NMU: variants seen among roughly 807,000 people sequenced by gnomAD.
NMU encodes the protein neuromedin-U.
In NMU, 29 loss-of-function variants were observed where a neutral mutation model predicts 35.4. The observed-to-expected ratio is 0.82, with a 90% CI of 0.61 to 1.12. NMU has a LOEUF of 1.12. NMU is among the 50% of genes most tolerant of loss of function. The pLI is 0.00. For synonymous variants in NMU, 78 were observed against 81.3 expected (o/e 0.96, Z 0.22); for missense variants, 199 against 206.2 (o/e 0.97, Z 0.21).
At chr4:55,597,382 T>C (rs1733229545) in intron 9 of NMU, among the ~76,000 whole-genome samples, 1 of 151,728 alleles carries the variant, frequency 6.6e-6, no homozygotes, top group South Asian at 2.1e-4. Flanking sequence ...TGAGTGGGCA[T>C]AGTTTCCTTT....
intron 2 of NMU, among the ~76,000 whole-genome samples, chr4:55,619,725 C>T (rs1734300569): frequency 1.4e-5 from 2 of 139,144 alleles, no homozygotes; most frequent in Admixed American, 1.5e-4. Context: ...CACAGACAAA[C>T]AAAAAGACAG....
intron 9 of NMU, 52 bp downstream of exon 9, chr4:55,599,090 G>A (rs1048730111): frequency 1.7e-6 from 2 of 1,207,774 alleles, no homozygotes; most frequent in Non-Finnish European, 2.4e-6. Context: ...GTGTTGAACT[G>A]TGAAATGCAT....
At chr4:55,595,777 A>G (rs2110175727) in intron 9 of NMU, among the ~76,000 whole-genome samples, 1 of 151,286 alleles carries the variant, frequency 6.6e-6, no homozygotes, top group Non-Finnish European at 1.5e-5. Context: ...AGTAGCTGGT[A>G]TTACAGAAGT....
chr4:55,596,195 T>A (rs1022973065), intron 9 of NMU, among the ~76,000 whole-genome samples: 2 of 152,060 alleles, frequency 1.3e-5, no homozygotes, highest in Non-Finnish European at 2.9e-5. Flanking sequence ...ATATAGGTCA[T>A]CAGGATAGAG....
At chr4:55,625,690 A>C (rs1734497483) in intron 2 of NMU, among the ~76,000 whole-genome samples, 2 of 151,728 alleles carry the variant, frequency 1.3e-5, no homozygotes, top group Admixed American at 6.6e-5. Context: ...CCTATAGGCA[A>C]CTCTTCCAGT....
intron 1 of NMU, among the ~76,000 whole-genome samples, chr4:55,632,031 C>T (rs913516125): frequency 6.6e-6 from 1 of 152,100 alleles, no homozygotes; most frequent in East Asian, 1.9e-4. Context: ...TGGATGGAGC[C>T]AGAGGCCATT....
intron 2 of NMU, among the ~76,000 whole-genome samples, chr4:55,626,148 A>G (rs1255016774): frequency 1.3e-5 from 2 of 152,206 alleles, no homozygotes; most frequent in Admixed American, 1.3e-4. Context: ...AACATTTGCG[A>G]TTAACTAGAT....
chr4:55,604,621 C>T (rs1733599414), intron 7 of NMU, among the ~76,000 whole-genome samples: 1 of 134,968 alleles, frequency 7.4e-6, no homozygotes, highest in Non-Finnish European at 1.6e-5. Flanking sequence ...TCAAGCGATT[C>T]TTGTGCCTCA....
chr4:55,604,785 G>A (rs1420874484), intron 7 of NMU, among the ~76,000 whole-genome samples: 1 of 141,928 alleles, frequency 7.0e-6, no homozygotes, highest in East Asian at 2.2e-4. Flanking sequence ...CACCCACCTG[G>A]GCCTTCCAAA....
At chr4:55,606,763 C>T (rs373584233) in intron 6 of NMU, among the ~76,000 whole-genome samples, 1 of 151,610 alleles carries the variant, frequency 6.6e-6, no homozygotes, top group Non-Finnish European at 1.5e-5. Flanking sequence ...CTGCAACCTC[C>T]ACCTCCTGGG....
intron 2 of NMU, among the ~76,000 whole-genome samples, chr4:55,625,265 G>C (rs1382600437): frequency 6.8e-6 from 1 of 146,236 alleles, no homozygotes; most frequent in African/African-American, 2.5e-5. Flanking sequence ...TTCTGTAAAA[G>C]AATGTATACT....
intron 1 of NMU, among the ~76,000 whole-genome samples, chr4:55,635,465 A>G (rs1715857755): frequency 6.6e-6 from 1 of 152,234 alleles, no homozygotes; most frequent in South Asian, 2.1e-4. Context: ...ACTTTATGTG[A>G]TGAGAAGTTC....
At chr4:55,634,449 T>C (rs559075996) in intron 1 of NMU, among the ~76,000 whole-genome samples, 1 of 152,162 alleles carries the variant, frequency 6.6e-6, no homozygotes, top group Non-Finnish European at 1.5e-5. Flanking sequence ...ATATGCTCTT[T>C]TGGAAATATA....
At chr4:55,626,395 T>A (rs1373820245) in intron 2 of NMU, among the ~76,000 whole-genome samples, 1 of 152,214 alleles carries the variant, frequency 6.6e-6, no homozygotes, top group African/African-American at 2.4e-5. Context: ...CTTACCAGTT[T>A]TAGACATTGT....
At chr4:55,610,660 T>C (rs1733896262) in intron 3 of NMU, among the ~76,000 whole-genome samples, 1 of 152,198 alleles carries the variant, frequency 6.6e-6, no homozygotes, top group Admixed American at 6.5e-5. Context: ...ATTTGTTTGC[T>C]TGTCATGCAA....
intron 6 of NMU, among the ~76,000 whole-genome samples, chr4:55,605,834 G>A (rs763645369): frequency 4.6e-5 from 7 of 152,214 alleles, no homozygotes; most frequent in Non-Finnish European, 7.3e-5. Context: ...AACGTTGGGA[G>A]CAAGACAACA....
intron 2 of NMU, among the ~76,000 whole-genome samples, chr4:55,619,251 T>C (rs1192223693): frequency 2.7e-5 from 4 of 149,024 alleles, no homozygotes; most frequent in Non-Finnish European, 6.0e-5. Flanking sequence ...CCATCTGAGG[T>C]ACCGGGTTCA....
chr4:55,612,906 A>G (rs1409977472), intron 3 of NMU, among the ~76,000 whole-genome samples: 1 of 152,206 alleles, frequency 6.6e-6, no homozygotes, highest in East Asian at 1.9e-4. Context: ...TATATGTGAA[A>G]ATTAACAATG....
intron 1 of NMU, among the ~76,000 whole-genome samples, chr4:55,632,752 G>A (rs1447350332): frequency 6.6e-6 from 1 of 151,720 alleles, no homozygotes; most frequent in Non-Finnish European, 1.5e-5. Flanking sequence ...GACCATCCCC[G>A]ACCCCCAGTA....
Sources: allele counts gnomAD v4.1 joint callset (sites outside exome capture counted in the v4.1 genomes callset), GRCh38; gene constraint gnomAD v4.1.1; transcripts MANE v1.5; gene names NCBI Gene and HGNC (gene_info 2026-07-23, HGNC 2026-07-21).